The following NCK2 variants were observed in gnomAD, a reference collection of about 807,000 sequenced individuals.
NCK2 encodes NCK adaptor protein 2.
NCK2 carries 16 observed loss-of-function variants against 33.9 expected under a neutral mutation model. The observed-to-expected ratio is 0.47, with a 90% confidence interval of 0.32 to 0.72. NCK2 has a LOEUF of 0.72. Among genes scored for constraint, NCK2 ranks in the 30% least tolerant of loss-of-function variants. The pLI, the probability that NCK2 is intolerant of heterozygous loss-of-function variation, is 0.03. For synonymous variants in NCK2, 273 were observed against 239.9 expected, an observed-to-expected ratio of 1.14 and a Z score of -1.27; for missense variants, 418 against 537.3, an observed-to-expected ratio of 0.78 and a Z score of 2.19.
chr2:105,885,078 G>A (rs1364459894), intron 4 of NCK2, among the ~76,000 whole-genome samples: 1 of 152,152 alleles, frequency 6.6e-6, no homozygotes, highest in Non-Finnish European at 1.5e-5. Flanking sequence ...CTGGTAAACT[G>A]TACAAGTTGT....
intron 2 of NCK2, among the ~76,000 whole-genome samples, chr2:105,835,295 G>T (rs12712218): frequency 0.63 from 92,258 of 146,596 alleles, 29,904 homozygotes; most frequent in African/African-American, 0.79. Flanking sequence ...TGCTTGTCTG[G>T]GAAAGACTTT....
intron 3 of NCK2, among the ~76,000 whole-genome samples, chr2:105,861,567 T>C (rs1677534347): frequency 6.8e-6 from 1 of 147,364 alleles, no homozygotes; most frequent in Non-Finnish European, 1.5e-5. Flanking sequence ...TAGGCTGGAG[T>C]GCAGTGGCAC....
At chr2:105,789,773 C>T (rs906683480) in intron 1 of NCK2, among the ~76,000 whole-genome samples, 1 of 152,224 alleles carries the variant, frequency 6.6e-6, no homozygotes, top group African/African-American at 2.4e-5. Context: ...ACACAGACTG[C>T]TGCCCCACAC....
At chr2:105,827,491 C>T (rs190533360) in intron 2 of NCK2, among the ~76,000 whole-genome samples, 3 of 152,260 alleles carry the variant, frequency 2.0e-5, no homozygotes, top group Admixed American at 1.3e-4. Flanking sequence ...GAACACTCAC[C>T]ACCATCAATT....
intron 2 of NCK2, among the ~76,000 whole-genome samples, chr2:105,833,800 A>G (rs1676290260): frequency 6.6e-6 from 1 of 152,082 alleles, no homozygotes; most frequent in African/African-American, 2.4e-5. Flanking sequence ...TGCTATAAAC[A>G]TCCCTCTTAG....
At chr2:105,822,530 T>G (rs1675780904) in intron 2 of NCK2, among the ~76,000 whole-genome samples, 1 of 152,050 alleles carries the variant, frequency 6.6e-6, no homozygotes, top group Non-Finnish European at 1.5e-5. Context: ...AATTGTGATT[T>G]AACGTTCTTG....
At chr2:105,852,984 G>A (rs1359426228) in intron 2 of NCK2, among the ~76,000 whole-genome samples, 1 of 152,028 alleles carries the variant, frequency 6.6e-6, no homozygotes, top group Non-Finnish European at 1.5e-5. Flanking sequence ...AAAGAAACGT[G>A]TATTATTTAT....
intron 2 of NCK2, among the ~76,000 whole-genome samples, chr2:105,828,231 A>G (rs1272128507): frequency 6.6e-6 from 1 of 152,234 alleles, no homozygotes; most frequent in Non-Finnish European, 1.5e-5. Flanking sequence ...GAAGATGGAA[A>G]TAGGAGAGGG....
intron 1 of NCK2, among the ~76,000 whole-genome samples, chr2:105,787,039 T>G (rs538751095): frequency 6.6e-6 from 1 of 152,252 alleles, no homozygotes; most frequent in East Asian, 1.9e-4. Flanking sequence ...CTTTCCTCTC[T>G]TCTGCCCTTT....
chr2:105,892,011 T>C (rs750929190), intron 4 of NCK2, among the ~76,000 whole-genome samples: 5 of 152,168 alleles, frequency 3.3e-5, no homozygotes, highest in Admixed American at 6.5e-5. Flanking sequence ...ACCGGAATTT[T>C]CCACTGCTGT....
chr2:105,893,482 G>T lies in NCK2; in HGVS notation c.*306G>T. The T allele has an allele frequency of 1.6e-5, 5 of 313,800 alleles. No individual in the cohort carries two copies. Among genetic ancestry groups the T allele is most frequent in the South Asian group, 4.4e-5 (1 of 22,628 alleles). The allele number at this position is 313,800 out of a possible 1,614,324, so 19.4% of individuals were successfully genotyped here. On this transcript the variant is annotated 3_prime_UTR_variant, in exon 5 of 5. Transcript: ENST00000233154. ...CGCTCATGGAACCCCTCTTTAAAAA[G>T]ACGCAGGGCACCTGTGAGCGCAGGA...
At chr2:105,835,495 T>C (rs1573179775) in intron 2 of NCK2, among the ~76,000 whole-genome samples, 1 of 147,724 alleles carries the variant, frequency 6.8e-6, no homozygotes, top group East Asian at 2.0e-4. Context: ...TGCTGAGAAA[T>C]CTGCTGTTAT....
At chr2:105,823,567 A>G (rs1036718961) in intron 2 of NCK2, among the ~76,000 whole-genome samples, 6 of 152,014 alleles carry the variant, frequency 3.9e-5, no homozygotes, top group African/African-American at 1.5e-4. Context: ...AAATCAGATC[A>G]TAAGAGGTCA....
At chr2:105,808,252 T>A (rs1016539294) in intron 1 of NCK2, among the ~76,000 whole-genome samples, 4 of 152,216 alleles carry the variant, frequency 2.6e-5, no homozygotes, top group African/African-American at 9.6e-5. Context: ...TTAAGATGAT[T>A]TTGTAACTTT....
chr2:105,761,059 G>A (rs921806225), intron 1 of NCK2, among the ~76,000 whole-genome samples: 12 of 152,150 alleles, frequency 7.9e-5, no homozygotes, highest in African/African-American at 2.7e-4. Context: ...AAGTGGTCCC[G>A]ACCCAGTGTC....
At chr2:105,868,384 G>C (rs768003) in intron 3 of NCK2, among the ~76,000 whole-genome samples, 1 of 152,214 alleles carries the variant, frequency 6.6e-6, no homozygotes, top group African/African-American at 2.4e-5. Flanking sequence ...CTGTTCATAA[G>C]TTAAAGGCTG....
chr2:105,770,995 T>C (rs775912785), intron 1 of NCK2, among the ~76,000 whole-genome samples: 1 of 152,124 alleles, frequency 6.6e-6, no homozygotes, highest in Non-Finnish European at 1.5e-5. Flanking sequence ...CGATCTCAGC[T>C]CACTGCAAGC....
chr2:105,783,543 T>G (rs1690571315), intron 1 of NCK2, among the ~76,000 whole-genome samples: 1 of 152,160 alleles, frequency 6.6e-6, no homozygotes, highest in Non-Finnish European at 1.5e-5. Flanking sequence ...CAGGTTAATG[T>G]GCAGTATTTG....
At position 105,813,811 on chromosome 2, in the gene NCK2, T is replaced by A. The variant is rs188193333; in HGVS notation, c.-200-2619T>A. 1.6e-3 allele frequency among the ~76,000 whole-genome samples: 242 copies of A among 152,348 alleles called. 1 individual carries two copies. Among genetic ancestry groups the A allele is most frequent in the Non-Finnish European group, 2.6e-4 (18 of 68,036 alleles). On this transcript the variant is annotated intron_variant, in intron 1 of 4. Coordinates refer to ENST00000233154, the MANE Select transcript of NCK2 (RefSeq NM_003581.5). ...GATAATCCCTTGGATTTTGCAGTGG[T>A]AAAATTTTGTAGTATTAAGGATCCA... is the stretch of plus-strand genomic sequence containing the variant.
Sources: allele counts gnomAD v4.1 joint callset (sites outside exome capture counted in the v4.1 genomes callset), GRCh38; gene constraint gnomAD v4.1.1; transcripts MANE v1.5; gene names NCBI Gene and HGNC (gene_info 2026-07-23, HGNC 2026-07-21).